MCPH1: variants seen among roughly 807,000 people sequenced by gnomAD.
The protein encoded by MCPH1 is microcephalin 1.
Under a neutral mutation model 84.5 loss-of-function variants are expected in MCPH1, and 104 were observed. The ratio of observed to expected loss-of-function variants is 1.23; its 90% confidence interval spans 1.05 to 1.45. The LOEUF (loss-of-function observed/expected upper bound fraction) is 1.45. Among genes scored for constraint, MCPH1 ranks in the 40% most tolerant of loss-of-function variants. The pLI is 0.00. For synonymous variants in MCPH1, 514 were observed against 366.8 expected, an observed-to-expected ratio of 1.40 and a Z score of -4.58; for missense variants, 1,498 against 1,005.7, an observed-to-expected ratio of 1.49 and a Z score of -6.62.
intron 12 of MCPH1, among the ~76,000 whole-genome samples, chr8:6,573,132 G>A (rs953115383): frequency 2.0e-5 from 3 of 152,188 alleles, no homozygotes; most frequent in Non-Finnish European, 2.9e-5. Context: ...GATGCGGTCT[G>A]GAACTAGCTG....
intron 12 of MCPH1, chr8:6,521,418 G>A (rs779885640): frequency 6.3e-6 from 10 of 1,591,200 alleles, no homozygotes; most frequent in East Asian, 2.2e-5. Context: ...AAACTTGTAA[G>A]GAAAAGAATT....
At chr8:6,562,785 C>T (rs1291764540) in intron 12 of MCPH1, 1 of 1,613,404 alleles carries the variant, frequency 6.2e-7, no homozygotes, top group South Asian at 1.1e-5. Context: ...GGCAGTTGTC[C>T]ATCTCTGGCA....
At chr8:6,578,991 A>T (rs1471985336) in intron 12 of MCPH1, among the ~76,000 whole-genome samples, 1 of 152,150 alleles carries the variant, frequency 6.6e-6, no homozygotes. Context: ...AGAACAGTGG[A>T]GCTGCATGAT....
At chr8:6,486,113 A>T (rs1021797071) in intron 11 of MCPH1, among the ~76,000 whole-genome samples, 2 of 152,236 alleles carry the variant, frequency 1.3e-5, no homozygotes, top group Admixed American at 6.5e-5. Context: ...GCCATTCTAC[A>T]TAATTTTTAA....
At chr8:6,582,648 C>G (rs775347645) in intron 12 of MCPH1, among the ~76,000 whole-genome samples, 1 of 152,178 alleles carries the variant, frequency 6.6e-6, no homozygotes, top group Non-Finnish European at 1.5e-5. Context: ...CCTCCACCTC[C>G]GAGTTCCACA....
chr8:6,472,693 C>G (rs568684429), intron 9 of MCPH1, among the ~76,000 whole-genome samples: 2 of 152,124 alleles, frequency 1.3e-5, no homozygotes, highest in South Asian at 4.1e-4. Flanking sequence ...GTCTCGAACT[C>G]CTGACCTCAG....
intron 12 of MCPH1, among the ~76,000 whole-genome samples, chr8:6,556,708 G>A (rs1272301272): frequency 6.6e-6 from 1 of 151,882 alleles, no homozygotes; most frequent in Non-Finnish European, 1.5e-5. Context: ...TGACCTCCTG[G>A]GCTCAGGCAA....
At chr8:6,500,824 T>G (rs1217478630) in intron 12 of MCPH1, 1 of 152,212 alleles carries the variant, frequency 6.6e-6, no homozygotes, top group Non-Finnish European at 1.5e-5. Context: ...CATAAGAGAT[T>G]ATATATGATG....
chr8:6,529,194 T>C (rs1818969100), intron 12 of MCPH1, among the ~76,000 whole-genome samples: 1 of 152,214 alleles, frequency 6.6e-6, no homozygotes, highest in Non-Finnish European at 1.5e-5. Flanking sequence ...GGCGTCCATC[T>C]GCAGGGGACT....
chr8:6,432,457 TAA>T (rs1801989717), intron 4 of MCPH1, among the ~76,000 whole-genome samples: 1 of 152,258 alleles, frequency 6.6e-6, no homozygotes, highest in Admixed American at 6.5e-5. Context: ...ACTGTAGAGT[TAA>T]AGACATTGCT....
intron 12 of MCPH1, among the ~76,000 whole-genome samples, chr8:6,538,734 C>G (rs959612399): frequency 2.0e-5 from 3 of 152,168 alleles, no homozygotes; most frequent in Non-Finnish European, 4.4e-5. Flanking sequence ...CATTTTAAAT[C>G]TCCACAGACA....
At chr8:6,484,984 A>G (rs1809693398) in intron 11 of MCPH1, among the ~76,000 whole-genome samples, 2 of 152,232 alleles carry the variant, frequency 1.3e-5, no homozygotes, top group Admixed American at 6.5e-5. Flanking sequence ...AGAACTGTAC[A>G]CACATATGCA....
intron 12 of MCPH1, among the ~76,000 whole-genome samples, chr8:6,577,447 A>C (rs1341102005): frequency 3.3e-5 from 5 of 152,280 alleles, no homozygotes; most frequent in Non-Finnish European, 1.5e-5. Context: ...TTCTGAATGT[A>C]CAAATGGCTG....
At chr8:6,469,697 G>A (rs1373363768) in intron 9 of MCPH1, among the ~76,000 whole-genome samples, 1 of 152,186 alleles carries the variant, frequency 6.6e-6, no homozygotes, top group African/African-American at 2.4e-5. Context: ...TTCAAAGAAT[G>A]TTTTGTTTTT....
chr8:6,527,404 A>T, intron 12 of MCPH1: 1 of 894,742 alleles, frequency 1.1e-6, no homozygotes, highest in Non-Finnish European at 1.6e-6. Flanking sequence ...ATTTTCTCCA[A>T]GCCCTCTCCC....
intron 12 of MCPH1, among the ~76,000 whole-genome samples, chr8:6,603,573 A>G (rs558446111): frequency 1.0e-3 from 156 of 152,346 alleles, no homozygotes; most frequent in African/African-American, 3.5e-3. Flanking sequence ...ATTTTAGGAT[A>G]TAACTGATAA....
At chr8:6,487,900 C>G (rs1810125396) in intron 11 of MCPH1, among the ~76,000 whole-genome samples, 1 of 152,228 alleles carries the variant, frequency 6.6e-6, no homozygotes, top group Non-Finnish European at 1.5e-5. Flanking sequence ...GTGATGGAGA[C>G]TCTGGGCAAA....
chr8:6,444,839 A>T lies in MCPH1; in HGVS notation c.1117A>T (p.Arg373Ter). ...SHSPPKEKCK[R>*]KRSTRRSIMP... Reference sequence around the variant, plus strand: ...TTCACCTCCGAAGGAAAAATGCAAGAGAAAGAGGAGCACCAGGAGATCTAT... The same window carrying T: ...TTCACCTCCGAAGGAAAAATGCAAGTGAAAGAGGAGCACCAGGAGATCTAT... The change falls in exon 8 of 14, where the codon AGA (arginine) becomes TGA (stop). Residue 373 changes from arginine (R) to a stop codon, truncating the protein, a stop_gained. Transcript: ENST00000344683. LOFTEE classifies it high-confidence loss of function. 6.2e-7 allele frequency: 1 copy of T among 1,614,186 alleles called. No individual in the cohort carries two copies. The highest frequency in any genetic ancestry group is 8.5e-7 in the Non-Finnish European group (1 of 1,180,048).
intron 10 of MCPH1, among the ~76,000 whole-genome samples, chr8:6,478,409 A>G (rs916725198): frequency 6.6e-6 from 1 of 152,242 alleles, no homozygotes; most frequent in Non-Finnish European, 1.5e-5. Flanking sequence ...TCTAATACAG[A>G]AGCGAATATT....
Sources: gnomAD v4.1 joint callset for allele counts (sites outside exome capture counted in the v4.1 genomes callset) on GRCh38, gnomAD v4.1.1 for gene constraint, MANE v1.5 for transcripts, NCBI Gene and HGNC (gene_info 2026-07-23, HGNC 2026-07-21) for gene names.